Variants in PCSK5 observed in about 807,000 individuals in gnomAD.
PCSK5 encodes proprotein convertase subtilisin/kexin type 5.
Under a neutral mutation model 233.2 loss-of-function variants are expected in PCSK5, and 129 were observed. The observed-to-expected ratio is 0.55, with a 90% CI of 0.48 to 0.64. The LOEUF is 0.64. Among genes scored for constraint, PCSK5 ranks in the 30% least tolerant of loss-of-function variants. The probability of loss-of-function intolerance (pLI) is 0.00; values close to 1 mark genes in which losing one functional copy is unlikely to be tolerated. For synonymous variants in PCSK5, 825 were observed against 879.2 expected, an observed-to-expected ratio of 0.94 and a Z score of 1.09; for missense variants, 2,076 against 2,430.1, an observed-to-expected ratio of 0.85 and a Z score of 3.06.
chr9:76,262,803 T>C (rs2131362098), intron 24 of PCSK5, among the ~76,000 whole-genome samples: 1 of 151,076 alleles, frequency 6.6e-6, no homozygotes, highest in South Asian at 2.1e-4. Flanking sequence ...AAAGAGCTTC[T>C]GCACAGCAAA....
At chr9:76,031,337 T>A (rs1282025140) in intron 5 of PCSK5, among the ~76,000 whole-genome samples, 1 of 152,176 alleles carries the variant, frequency 6.6e-6, no homozygotes, top group African/African-American at 2.4e-5. Flanking sequence ...TATGGTCTTT[T>A]GAGCTAACAA....
chr9:76,181,817 G>A (rs10119622), intron 16 of PCSK5, among the ~76,000 whole-genome samples: 149,005 of 152,308 alleles, frequency 0.98, 72,904 homozygotes, highest in East Asian at 1. Context: ...TTTGCTGGGA[G>A]TATTCACAAG....
At chr9:76,302,110 T>C (rs1828627131) in intron 27 of PCSK5, 27 bp from the exon 28 acceptor site, 2 of 1,093,830 alleles carry the variant, frequency 1.8e-6, no homozygotes, top group Non-Finnish European at 2.4e-6. Flanking sequence ...AAAAAAAAAC[T>C]AAACACTTTT....
intron 20 of PCSK5, among the ~76,000 whole-genome samples, chr9:76,191,524 G>A (rs1032580644): frequency 3.3e-5 from 5 of 152,142 alleles, no homozygotes; most frequent in Admixed American, 6.5e-5. Context: ...CAGAAAGAAC[G>A]GGGCACATGA....
chr9:76,212,642 T>A (rs1432715269), intron 20 of PCSK5, among the ~76,000 whole-genome samples: 1 of 152,234 alleles, frequency 6.6e-6, no homozygotes, highest in Non-Finnish European at 1.5e-5. Flanking sequence ...TTTAAGTCCA[T>A]CAACTCGACT....
chr9:76,090,907 T>A (rs1188507352), intron 7 of PCSK5, among the ~76,000 whole-genome samples: 1 of 151,980 alleles, frequency 6.6e-6, no homozygotes, highest in Non-Finnish European at 1.5e-5. Flanking sequence ...CAATGACAGA[T>A]CATCAGTCAT....
chr9:76,291,554 A>G (rs1828277520), intron 24 of PCSK5, among the ~76,000 whole-genome samples: 1 of 152,196 alleles, frequency 6.6e-6, no homozygotes. Context: ...TGAGAGTTGC[A>G]TCTTCTGGGA....
Position 76,023,661 on chromosome 9 carries a change from AAAAG to A in PCSK5, c.412-65_412-62del, listed in dbSNP as rs753107027. The A allele has an allele frequency of 1.3e-4, 174 of 1,388,510 alleles. No individual in the cohort carries two copies. In the African/African-American group the frequency reaches 2.0e-3, roughly 16 times the overall value. The allele number at this position is 1,388,510 out of a possible 1,614,324, so 86.0% of individuals were successfully genotyped here. Reference sequence around the variant, plus strand: ...CTGGGCAGCAGAGAAAAAAAAAAACAAAAGAAAGAAAGAAATAGGTAATTCTTCC... The same window carrying A: ...CTGGGCAGCAGAGAAAAAAAAAAACAAAAGAAAGAAATAGGTAATTCTTCC... On this transcript the variant is annotated intron_variant, in intron 3 of 37. Coordinates refer to ENST00000674117, the MANE Select transcript of PCSK5 (RefSeq NM_001372043.1).
chr9:76,167,331 AC>A (rs1341230329), intron 12 of PCSK5, among the ~76,000 whole-genome samples: 1 of 152,240 alleles, frequency 6.6e-6, no homozygotes, highest in Non-Finnish European at 1.5e-5. Flanking sequence ...TTGATAAAAC[AC>A]ATTTGCATAT....
intron 2 of PCSK5, among the ~76,000 whole-genome samples, chr9:75,975,327 TTCTC>T (rs1449655954): frequency 1.3e-5 from 2 of 152,178 alleles, no homozygotes; most frequent in South Asian, 2.1e-4. Context: ...GGAAGAGTGT[TTCTC>T]TCCATAGAAA....
chr9:75,976,274 C>CCACACACACACACA (rs10562995), intron 2 of PCSK5, among the ~76,000 whole-genome samples: 4 of 141,588 alleles, frequency 2.8e-5, no homozygotes, highest in East Asian at 2.1e-4. Flanking sequence ...CACACAGACA[C>CCACACACACACACA]CACACACACA....
chr9:76,251,289 C>A (rs541634754), intron 24 of PCSK5, among the ~76,000 whole-genome samples: 176 of 151,600 alleles, frequency 1.2e-3, no homozygotes, highest in Non-Finnish European at 1.9e-3. Context: ...GAAGGCCAGG[C>A]GCGGTGGCTC....
intron 2 of PCSK5, among the ~76,000 whole-genome samples, chr9:75,962,788 C>T (rs1035741169): frequency 8.5e-5 from 13 of 152,154 alleles, no homozygotes; most frequent in Non-Finnish European, 1.5e-4. Context: ...AAGTGGCTGG[C>T]GGAAATTGAA....
chr9:75,911,084 G>T (rs1822705482), intron 1 of PCSK5, among the ~76,000 whole-genome samples: 1 of 152,144 alleles, frequency 6.6e-6, no homozygotes, highest in African/African-American at 2.4e-5. Flanking sequence ...GAGAGTAAAG[G>T]CTGTGTAATG....
intron 5 of PCSK5, among the ~76,000 whole-genome samples, chr9:76,040,377 C>CTCTCTGTCTCTCTG (rs1829058334): frequency 5.0e-5 from 3 of 59,798 alleles, no homozygotes; most frequent in Non-Finnish European, 9.1e-5. Context: ...CTCTCTCTCT[C>CTCTCTGTCTCTCTG]TCTCTCTGTC....
chr9:76,181,641 C>A, intron 16 of PCSK5, 50 bp downstream of exon 16: 1 of 1,309,618 alleles, frequency 7.6e-7, no homozygotes, highest in Non-Finnish European at 1.1e-6. Context: ...GTGGTGTTTT[C>A]ATTTGAGTGA....
intron 12 of PCSK5, among the ~76,000 whole-genome samples, chr9:76,169,027 A>G (rs1029649587): frequency 3.9e-5 from 6 of 152,144 alleles, no homozygotes; most frequent in African/African-American, 1.4e-4. Flanking sequence ...ATATCATGGT[A>G]TGTATTAGTA....
chr9:76,311,450 T>G (rs1054226153), intron 30 of PCSK5, among the ~76,000 whole-genome samples: 2 of 152,114 alleles, frequency 1.3e-5, no homozygotes, highest in Non-Finnish European at 2.9e-5. Flanking sequence ...GATGTGCACC[T>G]CTTCTAAAGG....
chr9:75,892,544 C>T (rs919872340), intron 1 of PCSK5, among the ~76,000 whole-genome samples: 7 of 152,216 alleles, frequency 4.6e-5, no homozygotes, highest in Non-Finnish European at 1.0e-4. Flanking sequence ...GCCCGGGGTG[C>T]ACGCACCCTG....
Sources: gnomAD v4.1 joint callset for allele counts (sites outside exome capture counted in the v4.1 genomes callset) on GRCh38, gnomAD v4.1.1 for gene constraint, MANE v1.5 for transcripts, NCBI Gene and HGNC (gene_info 2026-07-23, HGNC 2026-07-21) for gene names.